The following PRKG1 variants were observed in gnomAD, a reference collection of about 807,000 sequenced individuals.
PRKG1 encodes protein kinase cGMP-dependent 1, also known as cGMP-dependent protein kinase 1.
PRKG1 carries 35 observed loss-of-function variants against 88.1 expected under a neutral mutation model. That is an observed-to-expected ratio of 0.40 (90% CI 0.30 to 0.53). PRKG1 has a LOEUF of 0.53. PRKG1 is among the 20% of genes least tolerant of loss of function. The pLI, the probability that PRKG1 is intolerant of heterozygous loss-of-function variation, is 0.59. For synonymous variants in PRKG1, 303 were observed against 292.5 expected, an observed-to-expected ratio of 1.04 and a Z score of -0.37; for missense variants, 540 against 839.8, an observed-to-expected ratio of 0.64 and a Z score of 4.41.
At chr10:52,125,289 A>C (rs1169525778) in intron 7 of PRKG1, among the ~76,000 whole-genome samples, 1 of 152,174 alleles carries the variant, frequency 6.6e-6, no homozygotes, top group Non-Finnish European at 1.5e-5. Context: ...TTTGTTGACC[A>C]AAATGTCATT....
At chr10:51,636,923 G>C (rs1242670038) in intron 3 of PRKG1, among the ~76,000 whole-genome samples, 1 of 152,178 alleles carries the variant, frequency 6.6e-6, no homozygotes, top group Non-Finnish European at 1.5e-5. Flanking sequence ...TTCTTGACTA[G>C]AGAGAATAAG....
Position 51,866,252 on chromosome 10 carries a change from T to C in PRKG1, c.699-41255T>C, listed in dbSNP as rs902483006. ...ATTTTCTGAGATATAATTTACGTAATATTAGAAAGTTAAAATAAGCATTCT... is the reference window on the plus strand; with the variant it reads ...ATTTTCTGAGATATAATTTACGTAACATTAGAAAGTTAAAATAAGCATTCT... On this transcript the variant is annotated intron_variant, in intron 4 of 17. Transcript: ENST00000373980. 5.3e-5 allele frequency among the ~76,000 whole-genome samples: 8 copies of C among 152,204 alleles called. 1 individual carries two copies. In the South Asian group the frequency reaches 8.3e-4, roughly 16 times the overall value.
intron 3 of PRKG1, among the ~76,000 whole-genome samples, chr10:51,594,696 C>T (rs61851493): frequency 0.055 from 8,336 of 152,262 alleles, 346 homozygotes; most frequent in Middle Eastern, 0.088. Context: ...TCCAGTTTTG[C>T]AGATTATCAC....
At chr10:51,119,167 G>A (rs191930213) in intron 1 of PRKG1, among the ~76,000 whole-genome samples, 26 of 152,120 alleles carry the variant, frequency 1.7e-4, no homozygotes, top group African/African-American at 6.3e-4. Context: ...TAACATATAG[G>A]CTATGGTGTC....
At chr10:51,245,074 C>T (rs1227946699) in intron 2 of PRKG1, 1 of 152,106 alleles carries the variant, frequency 6.6e-6, no homozygotes. Context: ...CCTAGCTTCC[C>T]TTTGCTTAGC....
intron 3 of PRKG1, among the ~76,000 whole-genome samples, chr10:51,558,220 G>T (rs1837364491): frequency 6.6e-6 from 1 of 152,008 alleles, no homozygotes; most frequent in South Asian, 2.1e-4. Flanking sequence ...TTTTCAAGTT[G>T]AGAGAATAAT....
intron 4 of PRKG1, among the ~76,000 whole-genome samples, chr10:51,818,213 T>C (rs1279242533): frequency 1.3e-5 from 2 of 152,188 alleles, no homozygotes; most frequent in Non-Finnish European, 2.9e-5. Flanking sequence ...GCAAGGAGAT[T>C]GGAGTCTCTT....
At chr10:51,483,183 G>A (rs868509522) in intron 3 of PRKG1, among the ~76,000 whole-genome samples, 1 of 151,854 alleles carries the variant, frequency 6.6e-6, no homozygotes. Flanking sequence ...ACCACGACTG[G>A]CTAATTTTTT....
intron 2 of PRKG1, among the ~76,000 whole-genome samples, chr10:51,439,500 A>G (rs1324510260): frequency 6.6e-6 from 1 of 151,864 alleles, no homozygotes; most frequent in East Asian, 1.9e-4. Context: ...ATCTTCCTAC[A>G]GTCTTCTGCA....
At chr10:51,244,287 G>A (rs930732046) in intron 2 of PRKG1, among the ~76,000 whole-genome samples, 7 of 149,120 alleles carry the variant, frequency 4.7e-5, no homozygotes, top group Admixed American at 4.7e-4. Context: ...TGAATTGAGT[G>A]TAGGAATATT....
chr10:51,008,765 CT>C (rs1842963795), intron 1 of PRKG1, among the ~76,000 whole-genome samples: 2 of 152,104 alleles, frequency 1.3e-5, no homozygotes, highest in South Asian at 2.1e-4. Flanking sequence ...GGAGCTGTGA[CT>C]TCTGAAGTCT....
intron 2 of PRKG1, among the ~76,000 whole-genome samples, chr10:51,283,131 G>C (rs2132206162): frequency 6.6e-6 from 1 of 152,112 alleles, no homozygotes; most frequent in Middle Eastern, 3.4e-3. Flanking sequence ...CAAACAAAAA[G>C]TTCCAATTGC....
At chr10:51,367,132 T>C (rs1196813118) in intron 2 of PRKG1, among the ~76,000 whole-genome samples, 1 of 151,972 alleles carries the variant, frequency 6.6e-6, no homozygotes, top group Non-Finnish European at 1.5e-5. Context: ...TAAGACTCTT[T>C]TTTTTCCATG....
intron 2 of PRKG1, among the ~76,000 whole-genome samples, chr10:51,244,670 G>T (rs1839241787): frequency 6.6e-6 from 1 of 151,916 alleles, no homozygotes; most frequent in African/African-American, 2.4e-5. Context: ...TGGAAAAAAA[G>T]ACTACATTTT....
chr10:51,720,970 G>A (rs1207438299), intron 3 of PRKG1, among the ~76,000 whole-genome samples: 1 of 151,980 alleles, frequency 6.6e-6, no homozygotes, highest in East Asian at 1.9e-4. Flanking sequence ...TTTTTGGGAG[G>A]CAGAGGTGGG....
intron 2 of PRKG1, among the ~76,000 whole-genome samples, chr10:51,269,395 TA>T (rs1564663125): frequency 6.6e-6 from 1 of 152,088 alleles, no homozygotes; most frequent in East Asian, 1.9e-4. Context: ...TGTCATTGTA[TA>T]AAAAAGGCAC....
intron 3 of PRKG1, among the ~76,000 whole-genome samples, chr10:51,724,697 T>C (rs1386257039): frequency 6.6e-6 from 1 of 151,966 alleles, no homozygotes; most frequent in African/African-American, 2.4e-5. Flanking sequence ...GCTTCATTCA[T>C]GGGTTTTTGT....
Position 51,116,073 on chromosome 10 carries a change from T to A in PRKG1, c.312-37091T>A, listed in dbSNP as rs145268690. On this transcript the variant is annotated intron_variant, in intron 1 of 17. Transcript: ENST00000373980. ...AGTACTGGGCTTTCACTCAACAGAT[T>A]TGGAGTTTTTTCTCAACTCTGCCAG... 2.3e-3 allele frequency among the ~76,000 whole-genome samples: 357 copies of A among 152,166 alleles called. 3 individuals carry two copies. Among genetic ancestry groups the A allele is most frequent in the African/African-American group, 8.2e-3 (339 of 41,544 alleles).
intron 2 of PRKG1, among the ~76,000 whole-genome samples, chr10:51,349,536 T>C (rs1195098254): frequency 6.6e-6 from 1 of 150,836 alleles, no homozygotes. Flanking sequence ...AGATGAAGTC[T>C]TGCTCTGACA....
Sources: allele counts gnomAD v4.1 joint callset (sites outside exome capture counted in the v4.1 genomes callset), GRCh38; gene constraint gnomAD v4.1.1; transcripts MANE v1.5; gene names NCBI Gene and HGNC (gene_info 2026-07-23, HGNC 2026-07-21).